The following CEP128 variants were observed in gnomAD, a reference collection of about 807,000 sequenced individuals.
CEP128 encodes the protein centrosomal protein 128, also known as centrosomal protein 128kDa.
Under a neutral mutation model 156.7 loss-of-function variants are expected in CEP128, and 132 were observed. The ratio of observed to expected loss-of-function variants is 0.84; its 90% CI spans 0.73 to 0.97. CEP128 has a LOEUF of 0.97. CEP128 is among the 50% of genes least tolerant of loss of function. The probability of loss-of-function intolerance (pLI) is 0.00; values close to 1 mark genes in which losing one functional copy is unlikely to be tolerated. For synonymous variants in CEP128, 469 were observed against 448.9 expected, an observed-to-expected ratio of 1.04 and a Z score of -0.57; for missense variants, 1,252 against 1,281.9, an observed-to-expected ratio of 0.98 and a Z score of 0.36.
chr14:80,675,269 G>C (rs901490868), intron 19 of CEP128, among the ~76,000 whole-genome samples: 8 of 151,930 alleles, frequency 5.3e-5, no homozygotes, highest in African/African-American at 1.9e-4. Context: ...GAATATTCTT[G>C]TACATACCAC....
chr14:80,937,017 A>T (rs966279950), intron 2 of CEP128, among the ~76,000 whole-genome samples: 12 of 152,072 alleles, frequency 7.9e-5, no homozygotes, highest in African/African-American at 2.9e-4. Flanking sequence ...TGGCAATACA[A>T]GTAAAAATAA....
intron 19 of CEP128, among the ~76,000 whole-genome samples, chr14:80,649,465 A>G (rs929750419): frequency 2.2e-4 from 34 of 152,098 alleles, no homozygotes; most frequent in African/African-American, 8.2e-4. Flanking sequence ...AAAGAGAAAA[A>G]AGAGATTAAA....
intron 9 of CEP128, among the ~76,000 whole-genome samples, chr14:80,849,365 T>G (rs1886773327): frequency 6.6e-6 from 1 of 152,190 alleles, no homozygotes; most frequent in African/African-American, 2.4e-5. Flanking sequence ...CCACACTTTG[T>G]GGCTTTGAAT....
intron 19 of CEP128, among the ~76,000 whole-genome samples, chr14:80,606,337 T>C (rs1224509389): frequency 6.6e-6 from 1 of 152,138 alleles, no homozygotes. Flanking sequence ...ATGCAGATTT[T>C]GACTGAAAAA....
chr14:80,647,049 A>ATGTGTGTGTT (rs1425598200), intron 19 of CEP128, among the ~76,000 whole-genome samples: 1 of 18,328 alleles, frequency 5.5e-5, no homozygotes. Flanking sequence ...ATATATATAT[A>ATGTGTGTGTT]TATATATATA....
chr14:80,593,237 T>C (rs534531749), intron 19 of CEP128, among the ~76,000 whole-genome samples: 2 of 152,180 alleles, frequency 1.3e-5, no homozygotes, highest in Middle Eastern at 3.4e-3. Context: ...GATGACATGA[T>C]TGTTTATTTA....
rs1889002884 is a variant in CEP128, at chr14:80,526,994, A to AT, written c.2959-13_2959-12insA. 1 of 1,431,070 alleles carries AT rather than the reference A, an allele frequency of 7.0e-7. No homozygotes were observed. Among genetic ancestry groups the AT allele is most frequent in the Non-Finnish European group, 9.7e-7 (1 of 1,027,522 alleles). 88.6% of individuals were successfully genotyped at this position (1,431,070 alleles called of 1,614,324 possible). ...GAACTGCAGGAATCCTGGAAAAAAAAAAAAGCAAAGGGTCTGAACTGGTAG... is the reference window on the plus strand; with the variant it reads ...GAACTGCAGGAATCCTGGAAAAAAAATAAAAGCAAAGGGTCTGAACTGGTAG... On this transcript the variant is annotated splice_polypyrimidine_tract_variant and intron_variant, in intron 22 of 24. Transcript: ENST00000555265.
intron 19 of CEP128, among the ~76,000 whole-genome samples, chr14:80,672,266 T>C (rs1171515137): frequency 6.6e-6 from 1 of 151,260 alleles, no homozygotes; most frequent in African/African-American, 2.4e-5. Flanking sequence ...CTCTCTGAAA[T>C]TTACATTATC....
At chr14:80,519,478 G>C (rs1449127180) in intron 23 of CEP128, among the ~76,000 whole-genome samples, 1 of 152,108 alleles carries the variant, frequency 6.6e-6, no homozygotes, top group Non-Finnish European at 1.5e-5. Context: ...TGGAGAGAAG[G>C]AACAAACACG....
At chr14:80,570,619 A>C (rs1036005443) in intron 20 of CEP128, among the ~76,000 whole-genome samples, 7 of 152,162 alleles carry the variant, frequency 4.6e-5, no homozygotes, top group Non-Finnish European at 8.8e-5. Context: ...TCAAAAACAA[A>C]TTAAAAATTG....
intron 18 of CEP128, among the ~76,000 whole-genome samples, chr14:80,744,560 G>T (rs1899001214): frequency 6.6e-6 from 1 of 152,082 alleles, no homozygotes; most frequent in South Asian, 2.1e-4. Context: ...ATTTATTCAA[G>T]AAACTCTATT....
chr14:80,826,901 A>C (rs879914333), intron 13 of CEP128, among the ~76,000 whole-genome samples: 40 of 152,222 alleles, frequency 2.6e-4, no homozygotes, highest in Non-Finnish European at 3.7e-4. Context: ...TTATGAATAC[A>C]AATAGGCTAT....
intron 19 of CEP128, among the ~76,000 whole-genome samples, chr14:80,704,203 A>G (rs193028462): frequency 6.6e-6 from 1 of 152,198 alleles, no homozygotes; most frequent in African/African-American, 2.4e-5. Context: ...AGATCATTAG[A>G]AGATTTTACT....
At chr14:80,610,017 T>C (rs1892933946) in intron 19 of CEP128, among the ~76,000 whole-genome samples, 1 of 152,202 alleles carries the variant, frequency 6.6e-6, no homozygotes, top group African/African-American at 2.4e-5. Flanking sequence ...TGTTTATGAT[T>C]ATGCTATGTG....
chr14:80,628,294 C>G (rs1291992678), intron 19 of CEP128, among the ~76,000 whole-genome samples: 1 of 152,150 alleles, frequency 6.6e-6, no homozygotes, highest in African/African-American at 2.4e-5. Flanking sequence ...ATATAGCCAT[C>G]TGTTTATCAG....
intron 20 of CEP128, among the ~76,000 whole-genome samples, chr14:80,566,339 TGTCA>T: frequency 1.3e-5 from 2 of 152,324 alleles, no homozygotes; most frequent in Middle Eastern, 3.4e-3. Context: ...TTTAAAAATT[TGTCA>T]GTCATTTTAA....
intron 19 of CEP128, among the ~76,000 whole-genome samples, chr14:80,665,622 G>A (rs60410391): frequency 0.026 from 3,922 of 152,098 alleles, 161 homozygotes; most frequent in African/African-American, 0.086. Flanking sequence ...TAGTAAAGCC[G>A]TCTTCCAAAT....
At chr14:80,599,744 T>C (rs1892503538) in intron 19 of CEP128, among the ~76,000 whole-genome samples, 2 of 151,986 alleles carry the variant, frequency 1.3e-5, no homozygotes, top group Admixed American at 6.5e-5. Context: ...ATTTTAAATA[T>C]GTACAAAAAA....
chr14:80,820,018 TA>T (rs74658919), intron 13 of CEP128, among the ~76,000 whole-genome samples: 3,162 of 152,316 alleles, frequency 0.021, 38 homozygotes, highest in Middle Eastern at 0.058. Context: ...GTAATAATTT[TA>T]AAAATGTGTC....
Sources: gnomAD v4.1 joint callset for allele counts (sites outside exome capture counted in the v4.1 genomes callset) on GRCh38, gnomAD v4.1.1 for gene constraint, MANE v1.5 for transcripts, NCBI Gene and HGNC (gene_info 2026-07-23, HGNC 2026-07-21) for gene names.